Variants in DPP6 observed in about 807,000 individuals in gnomAD.
The protein encoded by DPP6 is dipeptidyl peptidase like 6.
Under a neutral mutation model 122.6 loss-of-function variants are expected in DPP6, and 69 were observed. The ratio of observed to expected loss-of-function variants is 0.56; its 90% CI spans 0.46 to 0.69. The LOEUF is 0.69. Among genes scored for constraint, DPP6 ranks in the 30% least tolerant of loss-of-function variants. The pLI, the probability that DPP6 is intolerant of heterozygous loss-of-function variation, is 0.00. For missense variants in DPP6, 928 were observed against 1,116.9 expected, an observed-to-expected ratio of 0.83 and a Z score of 2.41; for synonymous variants, 418 against 433.1, an observed-to-expected ratio of 0.97 and a Z score of 0.43.
Position 154,078,991 on chromosome 7 carries a change from G to A in DPP6, c.243+25928G>A, listed in dbSNP as rs370841351. On this transcript the variant is annotated intron_variant, in intron 1 of 25. Transcript: ENST00000377770. The stretch of plus-strand genomic sequence containing the variant: ...AAAAATACCTGGGCCGGGTGTGGTG[G>A]CTCACGCCTGTAATCCTAGCACTTT... 3.4e-3 allele frequency among the ~76,000 whole-genome samples: 507 copies of A among 150,270 alleles called. 4 individuals are homozygous for A. Among genetic ancestry groups the A allele is most frequent in the African/African-American group, 0.012 (488 of 40,762 alleles).
chr7:154,346,351 G>T (rs1236205957), intron 1 of DPP6, among the ~76,000 whole-genome samples: 1 of 151,970 alleles, frequency 6.6e-6, no homozygotes, highest in East Asian at 1.9e-4. Context: ...CTCCCAGGCT[G>T]GAGTGCAATG....
At chr7:154,834,866 A>C (rs1185924932) in intron 16 of DPP6, among the ~76,000 whole-genome samples, 2 of 152,236 alleles carry the variant, frequency 1.3e-5, no homozygotes, top group Non-Finnish European at 2.9e-5. Flanking sequence ...TCTAGGAGAC[A>C]CTGCCGCAGG....
chr7:153,938,219 C>A (rs2129015909), intron 1 of DPP6, among the ~76,000 whole-genome samples: 1 of 152,290 alleles, frequency 6.6e-6, no homozygotes, highest in South Asian at 2.1e-4. Flanking sequence ...CTGTCCTCTG[C>A]CTTTCATCTT....
At chr7:153,776,132 A>G in the DPP6 span, among the ~76,000 whole-genome samples, 5 of 152,186 alleles carry the variant, frequency 3.3e-5, no homozygotes, top group Admixed American at 3.3e-4. Flanking sequence ...AGGAAATAAC[A>G]TAATGGGGAT....
At chr7:153,981,092 G>A (rs1442976196) in intron 1 of DPP6, among the ~76,000 whole-genome samples, 1 of 152,178 alleles carries the variant, frequency 6.6e-6, no homozygotes, top group African/African-American at 2.4e-5. Flanking sequence ...TTCAAGTCCT[G>A]AATATCCTTG....
At chr7:154,445,209 T>A (rs1819754850) in intron 1 of DPP6, among the ~76,000 whole-genome samples, 1 of 152,212 alleles carries the variant, frequency 6.6e-6, no homozygotes, top group South Asian at 2.1e-4. Context: ...GTTACTAAGT[T>A]GCAGTTATGT....
intron 1 of DPP6, among the ~76,000 whole-genome samples, chr7:154,008,653 CTTTTCTTTTTTTTT>C (rs1182016655): frequency 7.1e-6 from 1 of 140,648 alleles, no homozygotes; most frequent in East Asian, 2.1e-4. Flanking sequence ...AATATTATTT[CTTTTCTTTTTTTTT>C]TTTTTTTTTT....
chr7:154,031,549 C>T (rs1799229185), intron 1 of DPP6, among the ~76,000 whole-genome samples: 1 of 151,914 alleles, frequency 6.6e-6, no homozygotes, highest in Non-Finnish European at 1.5e-5. Flanking sequence ...TGAAATACAA[C>T]ATACTCTCAC....
intron 3 of DPP6, among the ~76,000 whole-genome samples, chr7:154,530,171 A>G (rs1174398900): frequency 6.6e-6 from 1 of 152,126 alleles, no homozygotes; most frequent in Non-Finnish European, 1.5e-5. Context: ...AAATTATTCA[A>G]AATGAACAGG....
upstream of DPP6, among the ~76,000 whole-genome samples, chr7:153,886,849 C>T (rs1422689403): frequency 6.6e-6 from 1 of 152,172 alleles, no homozygotes; most frequent in African/African-American, 2.4e-5. Flanking sequence ...TCTTCCCGGC[C>T]TCTCCCTTCT....
intron 6 of DPP6, among the ~76,000 whole-genome samples, chr7:154,659,507 G>C: frequency 6.6e-6 from 1 of 152,202 alleles, no homozygotes; most frequent in Non-Finnish European, 1.5e-5. Context: ...ATATCTGCTA[G>C]GAAGCTCTGT....
chr7:154,204,053 C>A (rs1233277411), intron 1 of DPP6, among the ~76,000 whole-genome samples: 2 of 152,202 alleles, frequency 1.3e-5, no homozygotes, highest in African/African-American at 4.8e-5. Context: ...CCATAGCAAT[C>A]CTGTTTCTGC....
At chr7:153,954,155 A>G (rs964862839) in intron 1 of DPP6, among the ~76,000 whole-genome samples, 3 of 152,252 alleles carry the variant, frequency 2.0e-5, no homozygotes, top group African/African-American at 7.2e-5. Flanking sequence ...CGCCCAGCCA[A>G]GTTGACATCT....
At chr7:154,664,264 C>T (rs191265719) in intron 6 of DPP6, among the ~76,000 whole-genome samples, 15 of 152,208 alleles carry the variant, frequency 9.9e-5, no homozygotes, top group African/African-American at 2.4e-4. Context: ...ATCACCATGG[C>T]GTATTGGCCC....
rs1835041693 is a variant in DPP6 at position 154,625,955 on chromosome 7, A to G, written c.628-11866A>G. On this transcript the variant is annotated intron_variant, in intron 5 of 25. Coordinates refer to ENST00000377770, the MANE Select transcript of DPP6 (RefSeq NM_130797.4). ...GGAGCAGAATTACGAATGAGTCAGCAGCAAGGTCTGACAAAACAAAATACA... is the reference window on the plus strand; with the variant it reads ...GGAGCAGAATTACGAATGAGTCAGCGGCAAGGTCTGACAAAACAAAATACA... 2.0e-5 allele frequency among the ~76,000 whole-genome samples: 3 copies of G among 152,236 alleles called. No homozygotes were observed. The South Asian group carries it at 6.2e-4, about 31-fold the overall frequency.
At chr7:154,780,720 G>T (rs1172945265) in intron 10 of DPP6, among the ~76,000 whole-genome samples, 1 of 152,220 alleles carries the variant, frequency 6.6e-6, no homozygotes, top group African/African-American at 2.4e-5. Context: ...CATGGCATCT[G>T]CAGGAAAATG....
At chr7:154,640,570 C>T (rs553255741) in intron 6 of DPP6, among the ~76,000 whole-genome samples, 1 of 152,244 alleles carries the variant, frequency 6.6e-6, no homozygotes, top group East Asian at 1.9e-4. Context: ...TTGTCAGAGT[C>T]TTATTTGTCT....
intron 25 of DPP6, 64 bp downstream of exon 25, chr7:154,889,594 C>A: frequency 1.3e-6 from 2 of 1,556,738 alleles, no homozygotes; most frequent in Non-Finnish European, 1.7e-6. Context: ...GGAGAAAGAC[C>A]TGACGGGTGT....
chr7:154,600,061 C>T (rs1272113571), intron 5 of DPP6, among the ~76,000 whole-genome samples: 1 of 152,164 alleles, frequency 6.6e-6, no homozygotes, highest in Non-Finnish European at 1.5e-5. Flanking sequence ...CTGCTCCTGG[C>T]TTACTCCAAT....
Sources: gnomAD v4.1 joint callset for allele counts (sites outside exome capture counted in the v4.1 genomes callset) on GRCh38, gnomAD v4.1.1 for gene constraint, MANE v1.5 for transcripts, NCBI Gene and HGNC (gene_info 2026-07-23, HGNC 2026-07-21) for gene names.